Variants in TWF1 observed in about 807,000 individuals in gnomAD.
TWF1 encodes the protein twinfilin-1.
Under a neutral mutation model 47.9 loss-of-function variants are expected in TWF1, and 14 were observed. The ratio of observed to expected loss-of-function variants is 0.29; its 90% CI spans 0.19 to 0.46. The LOEUF is 0.46. TWF1 is among the 20% of genes least tolerant of loss of function. TWF1 has a pLI of 1.00. For synonymous variants in TWF1, 96 were observed against 139.2 expected, an observed-to-expected ratio of 0.69 and a Z score of 2.18; for missense variants, 281 against 409.3, an observed-to-expected ratio of 0.69 and a Z score of 2.70.
intron 4 of TWF1, 34 bp from the exon 5 acceptor site, chr12:43,799,536 C>A: frequency 8.0e-7 from 1 of 1,247,764 alleles, no homozygotes; most frequent in Non-Finnish European, 1.1e-6. Context: ...ATCAGTAATT[C>A]TCTAGAAGTA....
At chr12:43,806,181 C>T (rs1942767754) in intron 1 of TWF1, 40 bp downstream of exon 1, 1 of 1,538,800 alleles carries the variant, frequency 6.5e-7, no homozygotes. Context: ...CCGGCTCTCC[C>T]GGAAGCCCCT....
chr12:43,795,874 A>G (rs957509845), intron 8 of TWF1, 119 bp from the exon 9 acceptor site: 1 of 907,264 alleles, frequency 1.1e-6, no homozygotes, highest in Non-Finnish European at 1.6e-6. Context: ...ATCAAGGACC[A>G]TATGTAAACA....
At chr12:43,799,884 T>G (rs1942627448) in intron 4 of TWF1, among the ~76,000 whole-genome samples, 1 of 152,106 alleles carries the variant, frequency 6.6e-6, no homozygotes, top group African/African-American at 2.4e-5. Flanking sequence ...TTATAATGCT[T>G]AATATAATTT....
At chr12:43,804,997 AAAC>A (rs1157815072) in intron 1 of TWF1, among the ~76,000 whole-genome samples, 1 of 152,260 alleles carries the variant, frequency 6.6e-6, no homozygotes, top group Non-Finnish European at 1.5e-5. Context: ...TTCCCGTTAA[AAAC>A]AACAGTATAT....
chr12:43,799,959 G>T (rs1352733158), intron 4 of TWF1, among the ~76,000 whole-genome samples: 1 of 151,964 alleles, frequency 6.6e-6, no homozygotes, highest in Non-Finnish European at 1.5e-5. Context: ...ACTACAAAGA[G>T]GTCTACCTAT....
intron 8 of TWF1, 69 bp from the exon 9 acceptor site, chr12:43,795,824 T>C (rs1942539823): frequency 4.0e-6 from 6 of 1,497,360 alleles, no homozygotes; most frequent in African/African-American, 1.4e-5. Context: ...TTTTCAGGTA[T>C]ATGAATGCTC....
In TWF1 at chr12:43,793,937, GTT is replaced by G. The variant is rs1942507089; in HGVS notation, c.*1646_*1647del. On this transcript the variant is annotated 3_prime_UTR_variant, in exon 9 of 9. Coordinates refer to ENST00000395510, the MANE Select transcript of TWF1 (RefSeq NM_002822.5). ...GCAATCATTGGTTTAATAATAATTA[GTT>G]TAAGACTATAATCACATCTATATTC... 6.6e-6 allele frequency: 1 copy of G among 152,584 alleles called. No homozygotes were observed. Among genetic ancestry groups the G allele is most frequent in the Non-Finnish European group, 1.5e-5 (1 of 68,032 alleles). 9.5% of individuals were successfully genotyped at this position (152,584 alleles called of 1,614,324 possible).
rs774434760 is a variant in TWF1, at chr12:43,797,333, A to G, written c.729T>C (p.His243=). The part of the protein sequence containing the change: ...SARYHFFLYK[H]SHEGDYLESI... ...ACTCTAAATAGTCTCCTTCATGGGA[A>G]TGTTTATACAGAAAGAAATGGTAAC... Residue 243 remains histidine, a synonymous_variant, in exon 7 of 9, where the codon CAT becomes CAC. Coordinates refer to ENST00000395510, the MANE Select transcript of TWF1 (RefSeq NM_002822.5). The G allele has an allele frequency of 6.3e-7, 1 of 1,597,666 alleles. No homozygotes were observed. The highest frequency in any genetic ancestry group is 1.7e-5 in the Admixed American group (1 of 57,348).
chr12:43,800,349 G>T, intron 4 of TWF1, 86 bp downstream of exon 4: 2 of 890,474 alleles, frequency 2.2e-6, no homozygotes, highest in South Asian at 1.6e-5. Flanking sequence ...TTATCCATCT[G>T]AATTCGTATC....
intron 3 of TWF1, 110 bp from the exon 4 acceptor site, chr12:43,800,640 G>C: frequency 2.6e-6 from 2 of 777,910 alleles, no homozygotes; most frequent in Non-Finnish European, 4.2e-6. Flanking sequence ...ACAAAACTGA[G>C]CTGAAGTCCA....
rs754548704 is a variant in TWF1 at position 43,804,135 on chromosome 12, G to A, written c.103+360C>T. The A allele has an allele frequency of 1.1e-5, 4 of 356,546 alleles. 2 individuals are homozygous for A. The highest frequency in any genetic ancestry group is 8.5e-5 in the South Asian group (4 of 46,888). The allele number at this position is 356,546 out of a possible 1,614,324, so 22.1% of individuals were successfully genotyped here. A position where few individuals can be genotyped will look rare whatever the true frequency, so the allele number is the denominator to read the frequency against. On this transcript the variant is annotated intron_variant, in intron 2 of 8. Coordinates refer to ENST00000395510, the MANE Select transcript of TWF1 (RefSeq NM_002822.5). ...TTTATATTTAAAAACAAACTTAATT[G>A]AATAATTCACAAGTAACTATTTTTT...
At position 43,804,552 on chromosome 12, in the gene TWF1, T is replaced by C; in HGVS notation, c.46A>G (p.Ile16Val). 1 of 1,603,576 alleles carries C rather than the reference T, an allele frequency of 6.2e-7. No individual in the cohort carries two copies. Residue 16 changes from isoleucine to valine, a missense_variant, in exon 2 of 9, where the codon ATC becomes GTC. Transcript: ENST00000395510. ...GIQASEDVKE[I>V]FARARNGKYR... ...TTTCCATTTCTGGCTCTGGCAAAGA[T>C]CTCTTTAACATCTTCACTTGCTGTG... is the stretch of plus-strand genomic sequence containing the variant.
In TWF1 at chr12:43,797,310, T is replaced by C. The variant is rs1411482241; in HGVS notation, c.752A>G (p.Glu251Gly). 1 of 1,591,778 alleles carries C rather than the reference T, an allele frequency of 6.3e-7. No homozygotes were observed. Among genetic ancestry groups the C allele is most frequent in the East Asian group, 2.2e-5 (1 of 44,620 alleles). Reference sequence around the variant, plus strand: ...AACAATGTATCATATACCTATGGACTCTAAATAGTCTCCTTCATGGGAATG... The same window carrying C: ...AACAATGTATCATATACCTATGGACCCTAAATAGTCTCCTTCATGGGAATG... The part of the protein sequence containing the change: ...YKHSHEGDYL[E>G]SIVFIYSMPG... The change falls in exon 7 of 9, where the codon GAG becomes GGG. Residue 251 changes from glutamate (E) to glycine (G), a missense_variant. Physicochemically the swap from Glu to Gly is moderately conservative, Grantham distance 98. Transcript: ENST00000395510.
At position 43,798,648 on chromosome 12, in the gene TWF1, G is replaced by A. The variant is rs183378036; in HGVS notation, c.483+750C>T. The A allele has an allele frequency of 1.3e-4, 180 of 1,419,830 alleles. No individual in the cohort carries two copies. The Middle Eastern group carries it at 3.8e-3, about 30-fold the overall frequency. The allele number at this position is 1,419,830 out of a possible 1,614,324, so 88.0% of individuals were successfully genotyped here. On this transcript the variant is annotated intron_variant, in intron 5 of 8. Transcript: ENST00000395510. The stretch of plus-strand genomic sequence containing the variant: ...AAAAAAAAAAAAAATCACATAAAAA[G>A]CCCTACTCAAATAATATGAATTAAA...
Position 43,797,774 on chromosome 12 carries a change from G to A in TWF1, c.543C>T (p.Pro181=). 2 of 1,613,404 alleles carry A rather than the reference G, an allele frequency of 1.2e-6. No individual in the cohort carries two copies. Among genetic ancestry groups the A allele is most frequent in the Non-Finnish European group, 1.7e-6 (2 of 1,179,492 alleles). ...KHQTLQGVAF[P]ISREAFQALE... The stretch of plus-strand genomic sequence containing the variant: ...AAGCCTGAAAGGCTTCTCGAGAAAT[G>A]GGAAATGCTACTCCTTGTAGTGTTT... The change falls in exon 6 of 9, where the codon CCC becomes CCT. Residue 181 remains proline, a synonymous_variant. Coordinates refer to ENST00000395510, the MANE Select transcript of TWF1 (RefSeq NM_002822.5).
chr12:43,795,864 A>G, intron 8 of TWF1, 109 bp from the exon 9 acceptor site: 1 of 1,036,818 alleles, frequency 9.6e-7, no homozygotes, highest in Non-Finnish European at 1.4e-6. Context: ...GTAAGGCAGA[A>G]TCAAGGACCA....
At position 43,797,060 on chromosome 12, in the gene TWF1, T is replaced by C; in HGVS notation, c.798A>G (p.Ile266Met). The C allele has an allele frequency of 6.2e-7, 1 of 1,609,148 alleles. No homozygotes were observed. The highest frequency in any genetic ancestry group is 1.1e-5 in the South Asian group (1 of 90,062). Residue 266 changes from isoleucine to methionine, a missense_variant, in exon 8 of 9, where the codon ATA (isoleucine) becomes ATG (methionine). Physicochemically the swap from Ile to Met is conservative, Grantham distance 10. Transcript: ENST00000395510. ...AGCTAGAATACAGCATCCGCTCTCT[T>C]ATACTGCATGTGTATCCAGGCATTG... Reference protein sequence around the residue: ...IYSMPGYTCSIRERMLYSSCK... With the variant: ...IYSMPGYTCSMRERMLYSSCK...
chr12:43,804,485 T>C lies in TWF1; in HGVS notation c.103+10A>G. ...CAGGAACAGAAAATATTTTAAAATA[T>C]TTAACTAACCATTTTCAATAGATAT... is the stretch of plus-strand genomic sequence containing the variant. On this transcript the variant is annotated intron_variant, in intron 2 of 8. Transcript: ENST00000395510. 6.5e-7 allele frequency: 1 copy of C among 1,541,926 alleles called. No individual in the cohort carries two copies.
chr12:43,805,680 C>G, intron 1 of TWF1: 1 of 770,858 alleles, frequency 1.3e-6, no homozygotes, highest in Non-Finnish European at 1.9e-6. Flanking sequence ...CGAGATTTCT[C>G]AGAACATAAC....
Sources: gnomAD v4.1 joint callset for allele counts (sites outside exome capture counted in the v4.1 genomes callset) on GRCh38, gnomAD v4.1.1 for gene constraint, MANE v1.5 for transcripts, NCBI Gene and HGNC (gene_info 2026-07-23, HGNC 2026-07-21) for gene names.